The following PDE4D variants were observed in gnomAD, a reference collection of about 807,000 sequenced individuals.
The protein encoded by PDE4D is phosphodiesterase 4D, also known as 3',5'-cyclic-AMP phosphodiesterase 4D.
In PDE4D, 24 loss-of-function variants were observed where a neutral mutation model predicts 87.4. That is an observed-to-expected ratio of 0.27 (90% confidence interval 0.20 to 0.39). The LOEUF (loss-of-function observed/expected upper bound fraction) is 0.39, where lower values mean the gene tolerates loss of function less well. Among genes scored for constraint, PDE4D ranks in the 10% least tolerant of loss-of-function variants. The pLI, the probability that PDE4D is intolerant of heterozygous loss-of-function variation, is 1.00. For synonymous variants in PDE4D, 384 were observed against 383.2 expected (o/e 1.00, Z -0.02); for missense variants, 714 against 1,041.0 (o/e 0.69, Z 4.32).
chr5:60,251,878 C>A (rs1562260116), intron 1 of PDE4D, among the ~76,000 whole-genome samples: 1 of 151,948 alleles, frequency 6.6e-6, no homozygotes, highest in African/African-American at 2.4e-5. Flanking sequence ...TCACTCAGAG[C>A]AGCTTCTACT....
At chr5:60,492,648 A>G (rs903574345), upstream of PDE4D, among the ~76,000 whole-genome samples, 5 of 152,170 alleles carry the variant, frequency 3.3e-5, no homozygotes, top group Admixed American at 1.3e-4. Context: ...AAGGACAGAA[A>G]ACCAAACACC....
chr5:60,484,494 T>C (rs892017886), intron 1 of PDE4D, among the ~76,000 whole-genome samples: 1 of 152,202 alleles, frequency 6.6e-6, no homozygotes, highest in Admixed American at 6.5e-5. Context: ...TTTTTATTAA[T>C]ATACTGATAA....
At chr5:59,131,353 CT>C (rs1332891332) in intron 5 of PDE4D, among the ~76,000 whole-genome samples, 1 of 152,048 alleles carries the variant, frequency 6.6e-6, no homozygotes, top group Non-Finnish European at 1.5e-5. Context: ...GTACCAGGTA[CT>C]TTATTGACTG....
intron 4 of PDE4D, among the ~76,000 whole-genome samples, chr5:59,184,562 T>A (rs997728927): frequency 1.3e-4 from 17 of 129,292 alleles, no homozygotes; most frequent in African/African-American, 3.3e-4. Flanking sequence ...CAGATTTTTT[T>A]TAAAAAAATG....
At chr5:60,326,624 T>TA (rs1333677913) in intron 1 of PDE4D, among the ~76,000 whole-genome samples, 1 of 152,156 alleles carries the variant, frequency 6.6e-6, no homozygotes, top group Non-Finnish European at 1.5e-5. Flanking sequence ...TATGACTTTT[T>TA]ATCTCATTTA....
At chr5:60,074,667 C>A (rs949269429) in intron 2 of PDE4D, among the ~76,000 whole-genome samples, 3 of 152,166 alleles carry the variant, frequency 2.0e-5, no homozygotes, top group African/African-American at 7.2e-5. Context: ...TAAAAACTTG[C>A]TTTATAAATC....
chr5:59,425,656 T>G (rs1795090381), intron 1 of PDE4D, among the ~76,000 whole-genome samples: 1 of 152,012 alleles, frequency 6.6e-6, no homozygotes, highest in Non-Finnish European at 1.5e-5. Flanking sequence ...CAAAATAAGG[T>G]GGTTGAATTT....
chr5:59,367,659 C>T (rs541408089), intron 1 of PDE4D, among the ~76,000 whole-genome samples: 282 of 152,314 alleles, frequency 1.9e-3, no homozygotes, highest in Middle Eastern at 0.017. Context: ...GATAGGCATA[C>T]ACATCATTTA....
intron 6 of PDE4D, 92 bp downstream of exon 6, chr5:59,038,767 C>T: frequency 8.0e-7 from 1 of 1,244,296 alleles, no homozygotes; most frequent in African/African-American, 1.6e-5. Context: ...AAAAACCTCT[C>T]AATTTATTTC....
intron 1 of PDE4D, among the ~76,000 whole-genome samples, chr5:59,504,721 C>T (rs1808914093): frequency 6.6e-6 from 1 of 152,124 alleles, no homozygotes; most frequent in African/African-American, 2.4e-5. Context: ...CCAGAGTCCA[C>T]CCACACAAAA....
intron 1 of PDE4D, among the ~76,000 whole-genome samples, chr5:59,403,845 A>T (rs1791131489): frequency 6.6e-6 from 1 of 152,016 alleles, no homozygotes; most frequent in Non-Finnish European, 1.5e-5. Flanking sequence ...ATCATATGGG[A>T]GTTCTATTTT....
chr5:60,057,673 A>G (rs1397675858), intron 2 of PDE4D, among the ~76,000 whole-genome samples: 1 of 152,052 alleles, frequency 6.6e-6, no homozygotes, highest in Non-Finnish European at 1.5e-5. Flanking sequence ...CTCTGTAAAT[A>G]TCGAGATAAA....
intron 1 of PDE4D, among the ~76,000 whole-genome samples, chr5:59,424,242 C>G (rs1794890940): frequency 6.6e-6 from 1 of 152,102 alleles, no homozygotes; most frequent in South Asian, 2.1e-4. Flanking sequence ...CAAGTTAAAT[C>G]TGTTACTGCT....
intron 5 of PDE4D, among the ~76,000 whole-genome samples, chr5:59,078,306 G>C (rs1444305646): frequency 6.6e-6 from 1 of 152,064 alleles, no homozygotes; most frequent in Non-Finnish European, 1.5e-5. Flanking sequence ...CCAAAACATA[G>C]TAAGTGCAAA....
chr5:60,273,116 G>A (rs1750986243), intron 1 of PDE4D, among the ~76,000 whole-genome samples: 1 of 152,102 alleles, frequency 6.6e-6, no homozygotes, highest in Non-Finnish European at 1.5e-5. Flanking sequence ...GAGCTACTGA[G>A]GAAGATAAAC....
intron 6 of PDE4D, chr5:59,001,927 T>G (rs540368381): frequency 9.4e-5 from 34 of 360,980 alleles, no homozygotes; most frequent in Non-Finnish European, 1.8e-4. Flanking sequence ...GTCAGGTGTT[T>G]AATATAAACC....
intron 5 of PDE4D, among the ~76,000 whole-genome samples, chr5:59,101,412 C>T (rs920452052): frequency 2.0e-5 from 3 of 152,072 alleles, no homozygotes. Flanking sequence ...GAAATTTTGT[C>T]ACACTCTTTC....
chr5:60,444,215 TTC>T lies in PDE4D; in HGVS notation c.-90+43725_-90+43726del, dbSNP rs528794084. On this transcript the variant is annotated intron_variant, in intron 1 of 16. Transcript: ENST00000502484. ...ATGGCTTCACCCATTCTGTCCTTACTTCTGTTAAACTCAAAGCTGGTCCCTTC... is the reference window on the plus strand; with the variant it reads ...ATGGCTTCACCCATTCTGTCCTTACTTGTTAAACTCAAAGCTGGTCCCTTC... 3.7e-4 allele frequency among the ~76,000 whole-genome samples: 56 copies of T among 152,302 alleles called. 2 individuals are homozygous for T. The South Asian group carries it at 0.011, about 31-fold the overall frequency.
intron 1 of PDE4D, among the ~76,000 whole-genome samples, chr5:59,343,678 T>A (rs2153582986): frequency 6.6e-6 from 1 of 152,358 alleles, no homozygotes; most frequent in Non-Finnish European, 1.5e-5. Context: ...CATGAATGCA[T>A]GCTTGATGTA....
Sources: gnomAD v4.1 joint callset for allele counts (sites outside exome capture counted in the v4.1 genomes callset) on GRCh38, gnomAD v4.1.1 for gene constraint, MANE v1.5 for transcripts, NCBI Gene and HGNC (gene_info 2026-07-23, HGNC 2026-07-21) for gene names.